Variants in MIB2 observed in about 807,000 individuals in gnomAD.
MIB2 encodes E3 ubiquitin-protein ligase MIB2.
MIB2 carries 78 observed loss-of-function variants against 96.6 expected under a neutral mutation model. That is an observed-to-expected ratio of 0.81 (90% confidence interval 0.67 to 0.97). MIB2 has a LOEUF of 0.97. MIB2 is among the 50% of genes least tolerant of loss of function. The pLI, the probability that MIB2 is intolerant of heterozygous loss-of-function variation, is 0.00. For synonymous variants in MIB2, 820 were observed against 629.5 expected (o/e 1.30, Z -4.53); for missense variants, 1,543 against 1,424.0 (o/e 1.08, Z -1.35).
rs755671806 is a variant in MIB2, at chr1:1,623,416, C to G, written c.-22-15C>G. On this transcript the variant is annotated splice_polypyrimidine_tract_variant and intron_variant, in intron 2 of 19. Coordinates refer to ENST00000355826, the MANE Select transcript of MIB2 (RefSeq NM_001170687.4). ...CCCGAGCAGCCCGGCCCACCATGGACCCCTCTGCCCACAGGTCCCGAGCAG... is the reference window on the plus strand; with the variant it reads ...CCCGAGCAGCCCGGCCCACCATGGAGCCCTCTGCCCACAGGTCCCGAGCAG... 5.6e-6 allele frequency: 9 copies of G among 1,601,722 alleles called. No individual in the cohort carries two copies. Among genetic ancestry groups the G allele is most frequent in the Middle Eastern group, 2.2e-4 (1 of 4,612 alleles).
rs1638264169 is a variant in MIB2, at chr1:1,629,418, C to A, written c.2415C>A (p.Gly805=). 1.3e-6 allele frequency: 2 copies of A among 1,484,774 alleles called. No individual in the cohort carries two copies. Among genetic ancestry groups the A allele is most frequent in the Non-Finnish European group, 1.8e-6 (2 of 1,127,258 alleles). The allele number at this position is 1,484,774 out of a possible 1,614,324, so 92.0% of individuals were successfully genotyped here. A position where few individuals can be genotyped will look rare whatever the true frequency, so the allele number is the denominator to read the frequency against. ...ERQAGGGAAP[G]PRQTLGTPNT... is the part of the protein sequence containing the mutation. Reference sequence around the variant, plus strand: ...AGGCGGGCGGGGGCGCGGCCCCGGGCCCCAGGCAAACGCTCGGGACCCCCA... The same window carrying A: ...AGGCGGGCGGGGGCGCGGCCCCGGGACCCAGGCAAACGCTCGGGACCCCCA... The change falls in exon 18 of 20, where the codon GGC becomes GGA. Residue 805 remains glycine, a synonymous_variant. Transcript: ENST00000355826.
chr1:1,620,085 TC>T (rs981881620), intron 2 of MIB2, among the ~76,000 whole-genome samples: 5 of 152,068 alleles, frequency 3.3e-5, no homozygotes, highest in African/African-American at 1.2e-4. Context: ...CCTCTGCCCA[TC>T]CCCCCAAGGG....
chr1:1,613,846 A>T (rs550564686), upstream of MIB2: 30 of 152,428 alleles, frequency 2.0e-4, no homozygotes, highest in African/African-American at 6.5e-4. Context: ...ATGAGAGCAG[A>T]GAAAAGCTCG....
chr1:1,621,318 C>T (rs1002228456), intron 2 of MIB2, among the ~76,000 whole-genome samples: 2 of 152,246 alleles, frequency 1.3e-5, no homozygotes, highest in African/African-American at 2.4e-5. Flanking sequence ...GCTGTGGAAG[C>T]CGCTCATGCG....
Position 1,624,877 on chromosome 1 carries a change from G to A in MIB2, c.502G>A (p.Asp168Asn), listed in dbSNP as rs1189619496. The A allele has an allele frequency of 1.6e-5, 25 of 1,612,892 alleles. No individual in the cohort carries two copies. Among genetic ancestry groups the A allele is most frequent in the East Asian group, 4.5e-5 (2 of 44,898 alleles). The change falls in exon 5 of 20, where the codon GAC becomes AAC. Residue 168 changes from aspartate (D) to asparagine (N), a missense_variant. Physicochemically the swap from Asp to Asn is conservative, Grantham distance 23. Coordinates refer to ENST00000355826, the MANE Select transcript of MIB2 (RefSeq NM_001170687.4). ...GGGAGCGAAGGTGGTGCGAGGCCCC[G>A]ACTGGGAGTGGGGCTCACAGGATGG... Reference protein sequence around the residue: ...FQGAKVVRGPDWEWGSQDGGE... With the variant: ...FQGAKVVRGPNWEWGSQDGGE...
At chr1:1,621,935 G>A (rs754830553) in intron 2 of MIB2, among the ~76,000 whole-genome samples, 1 of 152,256 alleles carries the variant, frequency 6.6e-6, no homozygotes, top group Non-Finnish European at 1.5e-5. Flanking sequence ...AGTCAGAGCA[G>A]GAGTCGGGGG....
Position 1,627,606 on chromosome 1 carries a change from G to A in MIB2, c.1524-67G>A, listed in dbSNP as rs566728675. 46 of 1,528,158 alleles carry A rather than the reference G, an allele frequency of 3.0e-5. No individual in the cohort carries two copies. In the African/African-American group the frequency reaches 4.0e-4, roughly 13 times the overall value. 94.7% of individuals were successfully genotyped at this position (1,528,158 alleles called of 1,614,324 possible). On this transcript the variant is annotated intron_variant, in intron 12 of 19. Coordinates refer to ENST00000355826, the MANE Select transcript of MIB2 (RefSeq NM_001170687.4). ...TGTGCGTCCTGGGGTCGGGCCTGGC[G>A]GGGCTGAGCCTGTGCGTCCAGCCAC... is the stretch of plus-strand genomic sequence containing the variant.
Position 1,627,284 on chromosome 1 carries a change from C to T in MIB2, c.1375-12C>T. On this transcript the variant is annotated splice_polypyrimidine_tract_variant and intron_variant, in intron 11 of 19. Coordinates refer to ENST00000355826, the MANE Select transcript of MIB2 (RefSeq NM_001170687.4). Reference sequence around the variant, plus strand: ...AGAGGGCCAGGGACTCACCTGCTGGCACTCTTGGCAGGTGGACACCAAGAA... The same window carrying T: ...AGAGGGCCAGGGACTCACCTGCTGGTACTCTTGGCAGGTGGACACCAAGAA... The T allele has an allele frequency of 6.2e-7, 1 of 1,613,202 alleles. No homozygotes were observed. Among genetic ancestry groups the T allele is most frequent in the Non-Finnish European group, 8.5e-7 (1 of 1,179,948 alleles).
At chr1:1,622,409 G>A (rs555849566) in intron 2 of MIB2, among the ~76,000 whole-genome samples, 3 of 152,264 alleles carry the variant, frequency 2.0e-5, no homozygotes, top group East Asian at 1.9e-4. Context: ...GGCAGCCCAC[G>A]GTGACTCACG....
upstream of MIB2, chr1:1,615,291 C>A (rs1643482444): frequency 1.0e-5 from 14 of 1,335,688 alleles, no homozygotes; most frequent in Non-Finnish European, 1.2e-5. Flanking sequence ...GCTCCCAAGC[C>A]CCCGTCTCTA....
chr1:1,625,257 C>T lies in MIB2; in HGVS notation c.722-29C>T, dbSNP rs1557589873. On this transcript the variant is annotated intron_variant, in intron 6 of 19. Transcript: ENST00000355826. The surrounding 1 kb of genome is among the most constrained non-coding windows in gnomAD (Gnocchi z 5.0). ...AAGTCCCAGAGGGGAGGGGCCGCTG[C>T]CTGAGGCCTGGTCTGCCACCCTCCG... is the stretch of plus-strand genomic sequence containing the variant. The T allele has an allele frequency of 6.3e-7, 1 of 1,596,986 alleles. No homozygotes were observed.
upstream of MIB2, chr1:1,614,185 A>G (rs913809176): frequency 6.6e-6 from 1 of 152,270 alleles, no homozygotes; most frequent in Admixed American, 6.5e-5. Flanking sequence ...TGCAGGTACC[A>G]AAATGGAACT....
intron 1 of MIB2, 116 bp downstream of exon 1, chr1:1,615,749 G>C: frequency 1.4e-6 from 2 of 1,459,460 alleles, no homozygotes; most frequent in Non-Finnish European, 1.8e-6. Flanking sequence ...CAGCAGCCCC[G>C]GGCTGGACTC....
Position 1,630,485 on chromosome 1 carries a change from C to G in MIB2, c.2823C>G (p.Pro941=). The change falls in exon 20 of 20, where the codon CCC becomes CCG. Residue 941 remains proline (P), a synonymous_variant. Coordinates refer to ENST00000355826, the MANE Select transcript of MIB2 (RefSeq NM_001170687.4). ...GCGGCTCCGCGCTCAGCGCCTGCCCCATCTGCCGCCAGCCCATCCGCGACC... is the reference window on the plus strand; with the variant it reads ...GCGGCTCCGCGCTCAGCGCCTGCCCGATCTGCCGCCAGCCCATCCGCGACC... ...APCGSALSAC[P]ICRQPIRDRI... 6.3e-7 allele frequency: 1 copy of G among 1,594,422 alleles called. No individual in the cohort carries two copies. The highest frequency in any genetic ancestry group is 8.5e-7 in the Non-Finnish European group (1 of 1,175,220).
chr1:1,616,457 C>CCGCG (rs1312812065), intron 1 of MIB2, 51 bp from the exon 2 acceptor site: 1 of 1,329,280 alleles, frequency 7.5e-7, no homozygotes, highest in African/African-American at 1.5e-5. Context: ...GGCGACCGAG[C>CCGCG]CGCGGGTCGA....
At chr1:1,623,382 C>G (rs774806851) in intron 2 of MIB2, 49 bp from the exon 3 acceptor site, 9 of 1,593,238 alleles carry the variant, frequency 5.6e-6, no homozygotes, top group Non-Finnish European at 6.8e-6. Context: ...ATACCCTCTG[C>G]CCACAGGTCC....
intron 2 of MIB2, among the ~76,000 whole-genome samples, chr1:1,622,498 C>T (rs1644352551): frequency 6.6e-6 from 1 of 152,228 alleles, no homozygotes; most frequent in African/African-American, 2.4e-5. Context: ...TGGCTGACTC[C>T]ATCCCTGCCT....
chr1:1,626,487 C>G lies in MIB2; in HGVS notation c.973-163C>G. 1 of 620,178 alleles carries G rather than the reference C, an allele frequency of 1.6e-6. No homozygotes were observed. Among genetic ancestry groups the G allele is most frequent in the Non-Finnish European group, 2.8e-6 (1 of 360,164 alleles). 38.4% of individuals were successfully genotyped at this position (620,178 alleles called of 1,614,324 possible). ...AGGGCTGCCTTGGACACCTGGGGCT[C>G]TCGTCCAGCCAGAGCCTCTGGCAGT... On this transcript the variant is annotated intron_variant, in intron 8 of 19. Coordinates refer to ENST00000355826, the MANE Select transcript of MIB2 (RefSeq NM_001170687.4). The surrounding 1 kb of genome is among the most constrained non-coding windows in gnomAD (Gnocchi z 5.3).
In MIB2 at chr1:1,627,654, C is replaced by G; in HGVS notation, c.1524-19C>G. 1 of 1,586,980 alleles carries G rather than the reference C, an allele frequency of 6.3e-7. No homozygotes were observed. Among genetic ancestry groups the G allele is most frequent in the Non-Finnish European group, 8.5e-7 (1 of 1,174,848 alleles). ...CACCGGGCCCGGCGCCCTCCCTCTC[C>G]CACTTCCTCTCCTGTCAGGAACCAG... On this transcript the variant is annotated intron_variant, in intron 12 of 19. Coordinates refer to ENST00000355826, the MANE Select transcript of MIB2 (RefSeq NM_001170687.4).
Sources: gnomAD v4.1 joint callset for allele counts (sites outside exome capture counted in the v4.1 genomes callset) on GRCh38, gnomAD v4.1.1 for gene constraint, Gnocchi (gnomAD v3.1) non-coding constraint, MANE v1.5 for transcripts, NCBI Gene and HGNC (gene_info 2026-07-23, HGNC 2026-07-21) for gene names.